Variants in FOXK1 observed in about 807,000 individuals in gnomAD.
FOXK1 encodes the protein forkhead box K1.
Under a neutral mutation model 51.9 loss-of-function variants are expected in FOXK1, and 19 were observed. That is an observed-to-expected ratio of 0.37 (90% CI 0.26 to 0.54). The LOEUF (loss-of-function observed/expected upper bound fraction) is 0.54, where lower values mean the gene tolerates loss of function less well. Ranked by LOEUF, FOXK1 falls within the 20% of genes least tolerant of loss-of-function variation. The pLI is 0.87. For missense variants in FOXK1, 870 were observed against 1,032.7 expected, an observed-to-expected ratio of 0.84 and a Z score of 2.16; for synonymous variants, 537 against 482.6, an observed-to-expected ratio of 1.11 and a Z score of -1.48.
rs373556337 is a variant in FOXK1 at position 4,730,385 on chromosome 7, G to A, written c.561-10453G>A. ...ACCCAGCTTGCCACCGCTGTCAGCC[G>A]TGGGGTTCAGGAGAACAGGGTTGTG... On this transcript the variant is annotated intron_variant, in intron 1 of 8. Transcript: ENST00000328914. The surrounding 1 kb of genome is among the most constrained non-coding windows in gnomAD (Gnocchi z 4.7). Among the ~76,000 whole-genome samples, 9 of 152,178 alleles carry A rather than the reference G, an allele frequency of 5.9e-5. No homozygotes were observed. Among genetic ancestry groups the A allele is most frequent in the African/African-American group, 1.4e-4 (6 of 41,450 alleles).
rs1781037762 is a variant in FOXK1, at chr7:4,767,904, G to A, written c.*5440G>A. 1 of 152,114 alleles carries A rather than the reference G, an allele frequency of 6.6e-6. No individual in the cohort carries two copies. The highest frequency in any genetic ancestry group is 6.5e-5 in the Admixed American group (1 of 15,272). 9.4% of individuals were successfully genotyped at this position (152,114 alleles called of 1,614,324 possible). On this transcript the variant is annotated 3_prime_UTR_variant, in exon 9 of 9. Transcript: ENST00000328914. The surrounding 1 kb of genome is among the most constrained non-coding windows in gnomAD (Gnocchi z 6.6). ...GTGGCGAGTGGGGTCCGTGCCTCGA[G>A]AAGGGGGCCCTTACCCACACCGTGC...
Position 4,722,613 on chromosome 7 carries a change from G to A in FOXK1, c.561-18225G>A, listed in dbSNP as rs770132297. Among the ~76,000 whole-genome samples the A allele has an allele frequency of 2.0e-5, 3 of 152,222 alleles. No homozygotes were observed. Among genetic ancestry groups the A allele is most frequent in the Non-Finnish European group, 4.4e-5 (3 of 68,036 alleles). On this transcript the variant is annotated intron_variant, in intron 1 of 8. Coordinates refer to ENST00000328914, the MANE Select transcript of FOXK1 (RefSeq NM_001037165.2). The surrounding 1 kb of genome is among the most constrained non-coding windows in gnomAD (Gnocchi z 5.1). ...CAACGGGCACACATGCACGTCAGCCGCACACTCATGCACGTTCATGTGCTG... is the reference window on the plus strand; with the variant it reads ...CAACGGGCACACATGCACGTCAGCCACACACTCATGCACGTTCATGTGCTG...
In FOXK1 at chr7:4,766,045, T is replaced by C. The variant is rs879084860; in HGVS notation, c.*3581T>C. The C allele has an allele frequency of 1.3e-5, 2 of 152,314 alleles. No homozygotes were observed. Among genetic ancestry groups the C allele is most frequent in the South Asian group, 4.1e-4 (2 of 4,832 alleles). 9.4% of individuals were successfully genotyped at this position (152,314 alleles called of 1,614,324 possible). The stretch of plus-strand genomic sequence containing the variant: ...GCATGGTACCCAGTATCCCGGTGTG[T>C]GCCCATCCTCAGCCACTTGTGTCTT... On this transcript the variant is annotated 3_prime_UTR_variant, in exon 9 of 9. Transcript: ENST00000328914. The surrounding 1 kb of genome is among the most constrained non-coding windows in gnomAD (Gnocchi z 5.5).
At position 4,743,295 on chromosome 7, in the gene FOXK1, G is replaced by A. The variant is rs1780659189; in HGVS notation, c.746+2272G>A. 6.6e-6 allele frequency among the ~76,000 whole-genome samples: 1 copy of A among 152,216 alleles called. No homozygotes were observed. The highest frequency in any genetic ancestry group is 1.5e-5 in the Non-Finnish European group (1 of 68,038). Reference sequence around the variant, plus strand: ...TGGCCGGGCGCGGTGGCTCACACTGGTAATGCCAGCACTGTGGGAGGCCAA... The same window carrying A: ...TGGCCGGGCGCGGTGGCTCACACTGATAATGCCAGCACTGTGGGAGGCCAA... On this transcript the variant is annotated intron_variant, in intron 2 of 8. Coordinates refer to ENST00000328914, the MANE Select transcript of FOXK1 (RefSeq NM_001037165.2). The surrounding 1 kb of genome is among the most constrained non-coding windows in gnomAD (Gnocchi z 5.3).
At chr7:4,732,313 A>G (rs541836755) in intron 1 of FOXK1, among the ~76,000 whole-genome samples, 1 of 152,288 alleles carries the variant, frequency 6.6e-6, no homozygotes, top group African/African-American at 2.4e-5. Flanking sequence ...CAAAGATCCC[A>G]GTGCCGACAG....
Position 4,744,509 on chromosome 7 carries a change from G to A in FOXK1, c.746+3486G>A, listed in dbSNP as rs561512971. On this transcript the variant is annotated intron_variant, in intron 2 of 8. Transcript: ENST00000328914. The stretch of plus-strand genomic sequence containing the variant: ...TTGTAAGCAAGAGCAGGCGCTGTGC[G>A]GTATTGTTTCTGAGTTGGTTCACTT... 1.9e-3 allele frequency among the ~76,000 whole-genome samples: 282 copies of A among 152,326 alleles called. 1 individual carries two copies. Among genetic ancestry groups the A allele is most frequent in the Non-Finnish European group, 3.2e-3 (217 of 68,026 alleles).
chr7:4,720,761 G>A (rs1179418851), intron 1 of FOXK1, among the ~76,000 whole-genome samples: 1 of 150,734 alleles, frequency 6.6e-6, no homozygotes, highest in African/African-American at 2.4e-5. Context: ...GTGCAATGGC[G>A]CGATCTCGGT....
chr7:4,759,618 C>A, intron 7 of FOXK1, 23 bp downstream of exon 7: 2 of 1,525,498 alleles, frequency 1.3e-6, no homozygotes, highest in African/African-American at 2.7e-5. Context: ...CGGCTGGCAG[C>A]CTTCGCAGGA....
At chr7:4,725,239 T>TGCCCAGGCTTTG in intron 1 of FOXK1, among the ~76,000 whole-genome samples, 1 of 152,334 alleles carries the variant, frequency 6.6e-6, no homozygotes, top group East Asian at 1.9e-4. Flanking sequence ...AGAATAGCAG[T>TGCCCAGGCTTTG]GCCCAGGCTT....
intron 1 of FOXK1, among the ~76,000 whole-genome samples, chr7:4,696,009 A>C (rs139736737): frequency 7.3e-5 from 11 of 151,284 alleles, no homozygotes; most frequent in Admixed American, 4.0e-4. Context: ...CCAACTACTT[A>C]GGAACCTGAG....
intron 1 of FOXK1, among the ~76,000 whole-genome samples, chr7:4,739,988 C>G (rs1162410126): frequency 6.8e-6 from 1 of 146,878 alleles, no homozygotes; most frequent in Non-Finnish European, 1.5e-5. Context: ...CTTCTGTTCT[C>G]ACACACAGTA....
rs1781091950 is a variant in FOXK1 at position 4,770,936 on chromosome 7, A to G, written c.*8472A>G. On this transcript the variant is annotated 3_prime_UTR_variant, in exon 9 of 9. Coordinates refer to ENST00000328914, the MANE Select transcript of FOXK1 (RefSeq NM_001037165.2). ...TTTTACAGTGGCGCCTGTCTAAAGT[A>G]TTTTTCACAACATGTTTGATAATCA... The G allele has an allele frequency of 6.8e-6, 1 of 146,928 alleles. No homozygotes were observed. The highest frequency in any genetic ancestry group is 2.5e-5 in the African/African-American group (1 of 39,308). The allele number at this position is 146,928 out of a possible 1,614,324, so 9.1% of individuals were successfully genotyped here.
chr7:4,741,520 G>A (rs762405857), intron 2 of FOXK1, among the ~76,000 whole-genome samples: 7 of 152,012 alleles, frequency 4.6e-5, no homozygotes, highest in East Asian at 3.9e-4. Context: ...TAGTAGAGAC[G>A]GGGTTTCACG....
intron 2 of FOXK1, among the ~76,000 whole-genome samples, chr7:4,744,453 T>C (rs1780675528): frequency 6.6e-6 from 1 of 152,218 alleles, no homozygotes; most frequent in South Asian, 2.1e-4. Context: ...TCGATCTTCC[T>C]GTTCCCGGGT....
chr7:4,697,730 G>A (rs1779970895), intron 1 of FOXK1, among the ~76,000 whole-genome samples: 1 of 143,612 alleles, frequency 7.0e-6, no homozygotes, highest in African/African-American at 2.6e-5. Context: ...TTTACATACA[G>A]GAAAGATAGG....
At chr7:4,725,159 G>A (rs34202907) in intron 1 of FOXK1, among the ~76,000 whole-genome samples, 430 of 152,368 alleles carry the variant, frequency 2.8e-3, no homozygotes, top group Non-Finnish European at 3.9e-3. Flanking sequence ...GCAGGCGCGC[G>A]TTCTCTCTCT....
chr7:4,684,047 G>A (rs1016294055), intron 1 of FOXK1, among the ~76,000 whole-genome samples: 2 of 152,084 alleles, frequency 1.3e-5, no homozygotes, highest in South Asian at 2.1e-4. Context: ...GGTGCCTTTG[G>A]TAGCATCCCG....
At chr7:4,728,730 GAAAAAAA>G (rs67143977) in intron 1 of FOXK1, among the ~76,000 whole-genome samples, 1,806 of 103,912 alleles carry the variant, frequency 0.017, 39 homozygotes, top group African/African-American at 0.058. Context: ...GTCTCTTTTT[GAAAAAAA>G]AAAAAAAAAA....
rs996385891 is a variant in FOXK1 at position 4,745,176 on chromosome 7, T to C, written c.746+4153T>C. 6.6e-6 allele frequency among the ~76,000 whole-genome samples: 1 copy of C among 152,200 alleles called. No homozygotes were observed. The highest frequency in any genetic ancestry group is 1.5e-5 in the Non-Finnish European group (1 of 68,032). On this transcript the variant is annotated intron_variant, in intron 2 of 8. Coordinates refer to ENST00000328914, the MANE Select transcript of FOXK1 (RefSeq NM_001037165.2). The surrounding 1 kb of genome is among the most constrained non-coding windows in gnomAD (Gnocchi z 4.3). Reference sequence around the variant, plus strand: ...GAAGAGCTGGCTGCCTGCAAGGCTGTCCCCTCCCAGTGCCGCCCCGCCCCC... The same window carrying C: ...GAAGAGCTGGCTGCCTGCAAGGCTGCCCCCTCCCAGTGCCGCCCCGCCCCC...
Sources: gnomAD v4.1 joint callset for allele counts (sites outside exome capture counted in the v4.1 genomes callset) on GRCh38, gnomAD v4.1.1 for gene constraint, Gnocchi (gnomAD v3.1) non-coding constraint, MANE v1.5 for transcripts, NCBI Gene and HGNC (gene_info 2026-07-23, HGNC 2026-07-21) for gene names.